Variants in DGKI observed in about 807,000 individuals in gnomAD.
DGKI encodes the protein DAG kinase iota.
In DGKI, 55 loss-of-function variants were observed where a neutral mutation model predicts 147.5. The observed-to-expected ratio is 0.37, with a 90% CI of 0.30 to 0.47. DGKI has a LOEUF of 0.47. DGKI is among the 20% of genes least tolerant of loss of function. DGKI has a pLI of 1.00. For missense variants in DGKI, 1,007 were observed against 1,323.8 expected (o/e 0.76, Z 3.71); for synonymous variants, 469 against 477.1 (o/e 0.98, Z 0.22).
intron 8 of DGKI, among the ~76,000 whole-genome samples, chr7:137,615,527 ATGTATGTGTG>A (rs977982007): frequency 2.9e-5 from 4 of 137,514 alleles, no homozygotes; most frequent in Non-Finnish European, 6.1e-5. Flanking sequence ...GTGTATATGT[ATGTATGTGTG>A]TGTGTGTGTG....
intron 11 of DGKI, among the ~76,000 whole-genome samples, chr7:137,598,177 A>G (rs780697273): frequency 6.6e-6 from 1 of 152,188 alleles, no homozygotes; most frequent in Non-Finnish European, 1.5e-5. Flanking sequence ...TTTATTTCCC[A>G]TAACTTCTAT....
At chr7:137,645,781 T>C (rs1047983023) in intron 5 of DGKI, among the ~76,000 whole-genome samples, 2 of 152,240 alleles carry the variant, frequency 1.3e-5, no homozygotes, top group African/African-American at 4.8e-5. Context: ...AATGTGGTAA[T>C]ACTATTGATT....
chr7:137,676,880 A>G (rs1233804103), intron 3 of DGKI, among the ~76,000 whole-genome samples: 1 of 152,248 alleles, frequency 6.6e-6, no homozygotes, highest in African/African-American at 2.4e-5. Flanking sequence ...CATCCCCTAA[A>G]AAGTAACAGA....
At chr7:137,829,261 A>C (rs3823554) in intron 1 of DGKI, among the ~76,000 whole-genome samples, 34,687 of 151,976 alleles carry the variant, frequency 0.23, 9,402 homozygotes, top group African/African-American at 0.66. Context: ...ATAGGACAGT[A>C]AGGATGATGC....
intron 18 of DGKI, among the ~76,000 whole-genome samples, chr7:137,571,533 C>T (rs834444): frequency 0.16 from 24,934 of 152,180 alleles, 3,685 homozygotes; most frequent in African/African-American, 0.39. Flanking sequence ...CGTTCGTTAT[C>T]TATATTTCTC....
At chr7:137,517,405 GAA>G (rs990789939) in intron 21 of DGKI, among the ~76,000 whole-genome samples, 4 of 147,054 alleles carry the variant, frequency 2.7e-5, no homozygotes, top group Admixed American at 1.3e-4. Flanking sequence ...GAAAGAGAGA[GAA>G]AGAGAGAGAA....
At chr7:137,673,099 C>G (rs270901) in intron 3 of DGKI, among the ~76,000 whole-genome samples, 71,528 of 151,860 alleles carry the variant, frequency 0.47, 19,450 homozygotes, top group African/African-American at 0.76. Context: ...TCTCTTATAA[C>G]GGCACATGTC....
chr7:137,435,832 T>C (rs1459442358), intron 28 of DGKI, among the ~76,000 whole-genome samples: 2 of 152,230 alleles, frequency 1.3e-5, no homozygotes, highest in East Asian at 3.9e-4. Flanking sequence ...CAGGCTAGAG[T>C]ACAGTGGCAC....
intron 1 of DGKI, among the ~76,000 whole-genome samples, chr7:137,832,545 T>C (rs1033862564): frequency 5.3e-5 from 8 of 152,224 alleles, no homozygotes; most frequent in Non-Finnish European, 7.3e-5. Flanking sequence ...ACCAAGTCCA[T>C]AGTCTGCACA....
chr7:137,472,320 T>TATATGTATATACATATAA (rs57953468), intron 23 of DGKI, among the ~76,000 whole-genome samples: 1 of 12,302 alleles, frequency 8.1e-5, no homozygotes, highest in African/African-American at 1.7e-4. Context: ...ATACATATAA[T>TATATGTATATACATATAA]TATTATATGT....
rs567433670 is a variant in DGKI at position 137,427,062 on chromosome 7, T to C, written c.2762-14855A>G. On this transcript the variant is annotated intron_variant, in intron 28 of 32. Coordinates refer to ENST00000614521, the MANE Select transcript of DGKI (RefSeq NM_001321708.2). ...GCACCAAGTGGACCTAATAGACATCTACAGAACTCTCCAACCCAAATCAAC... is the reference window on the plus strand; with the variant it reads ...GCACCAAGTGGACCTAATAGACATCCACAGAACTCTCCAACCCAAATCAAC... 1.8e-4 allele frequency among the ~76,000 whole-genome samples: 27 copies of C among 151,776 alleles called. 1 individual carries two copies. Among genetic ancestry groups the C allele is most frequent in the African/African-American group, 6.1e-4 (25 of 41,266 alleles).
chr7:137,576,088 G>T (rs1302736997), intron 17 of DGKI, among the ~76,000 whole-genome samples: 2 of 145,852 alleles, frequency 1.4e-5, no homozygotes, highest in African/African-American at 5.2e-5. Context: ...GCCCAGGCTG[G>T]AGTGCAGTGG....
At chr7:137,687,515 C>G (rs1276455109) in intron 2 of DGKI, among the ~76,000 whole-genome samples, 1 of 152,134 alleles carries the variant, frequency 6.6e-6, no homozygotes, top group African/African-American at 2.4e-5. Flanking sequence ...GCTCCTTGAA[C>G]AGAAGAGCAT....
intron 1 of DGKI, among the ~76,000 whole-genome samples, chr7:137,812,853 G>A (rs1797630377): frequency 6.6e-6 from 1 of 152,142 alleles, no homozygotes; most frequent in African/African-American, 2.4e-5. Context: ...TAGGTATATA[G>A]TCATATTTGA....
intron 1 of DGKI, among the ~76,000 whole-genome samples, chr7:137,735,238 C>G (rs1016588039): frequency 6.6e-5 from 10 of 152,166 alleles, no homozygotes; most frequent in African/African-American, 1.9e-4. Flanking sequence ...TATGTTCAAA[C>G]TTATCTTTTG....
chr7:137,803,921 C>T (rs963358139), intron 1 of DGKI, among the ~76,000 whole-genome samples: 1 of 152,160 alleles, frequency 6.6e-6, no homozygotes, highest in African/African-American at 2.4e-5. Flanking sequence ...GTAAATAGTC[C>T]GGGCATGCGT....
chr7:137,456,746 T>C (rs1451831132), intron 27 of DGKI, among the ~76,000 whole-genome samples: 1 of 152,236 alleles, frequency 6.6e-6, no homozygotes, highest in East Asian at 1.9e-4. Flanking sequence ...GAGAATTTCC[T>C]GGGATTATTT....
At chr7:137,523,051 C>T (rs531228941) in intron 20 of DGKI, among the ~76,000 whole-genome samples, 1 of 145,754 alleles carries the variant, frequency 6.9e-6, no homozygotes, top group Admixed American at 6.8e-5. Context: ...AAGAAGGAAA[C>T]AGAAATAAAG....
At chr7:137,845,119 G>C (rs561561761) in intron 1 of DGKI, among the ~76,000 whole-genome samples, 1 of 152,298 alleles carries the variant, frequency 6.6e-6, no homozygotes, top group Admixed American at 6.5e-5. Flanking sequence ...AACTCAGGTG[G>C]GGAACTCCCT....
Sources: allele counts gnomAD v4.1 joint callset (sites outside exome capture counted in the v4.1 genomes callset), GRCh38; gene constraint gnomAD v4.1.1; transcripts MANE v1.5; gene names NCBI Gene and HGNC (gene_info 2026-07-23, HGNC 2026-07-21).